Variants in ROBO1 observed in about 807,000 individuals in gnomAD.
ROBO1 encodes roundabout homolog 1.
Under a neutral mutation model 195.9 loss-of-function variants are expected in ROBO1, and 149 were observed. The ratio of observed to expected loss-of-function variants is 0.76; its 90% CI spans 0.67 to 0.87. ROBO1 has a LOEUF of 0.87. Ranked by LOEUF, ROBO1 falls within the 40% of genes least tolerant of loss-of-function variation. The pLI is 0.00. For missense variants in ROBO1, 1,933 were observed against 2,068.3 expected, an observed-to-expected ratio of 0.93 and a Z score of 1.27; for synonymous variants, 816 against 733.2, an observed-to-expected ratio of 1.11 and a Z score of -1.82.
intron 1 of ROBO1, among the ~76,000 whole-genome samples, chr3:79,671,588 T>C (rs1946633440): frequency 6.6e-6 from 1 of 151,854 alleles, no homozygotes; most frequent in African/African-American, 2.4e-5. Context: ...ATGGTTAACA[T>C]TGAAACAACA....
intron 4 of ROBO1, among the ~76,000 whole-genome samples, chr3:78,918,315 A>C (rs1016058383): frequency 3.3e-5 from 5 of 152,140 alleles, no homozygotes; most frequent in African/African-American, 1.2e-4. Context: ...GAAATATATA[A>C]AAATTTGGAA....
intron 2 of ROBO1, among the ~76,000 whole-genome samples, chr3:79,380,454 A>G (rs1238819957): frequency 6.6e-6 from 1 of 152,124 alleles, no homozygotes; most frequent in Non-Finnish European, 1.5e-5. Context: ...CATTGACTCA[A>G]AATTCTTTGC....
intron 8 of ROBO1, among the ~76,000 whole-genome samples, chr3:78,699,371 G>A: frequency 1.7e-5 from 2 of 121,098 alleles, no homozygotes; most frequent in Non-Finnish European, 1.7e-5. Context: ...TCAACATGGG[G>A]AAACCCCGTC....
intron 4 of ROBO1, among the ~76,000 whole-genome samples, chr3:78,867,751 C>A (rs923816147): frequency 6.6e-6 from 1 of 152,142 alleles, no homozygotes; most frequent in Admixed American, 6.5e-5. Flanking sequence ...GAAATGCCTT[C>A]CAGCTTTTTT....
chr3:79,075,235 T>A (rs79420411), intron 3 of ROBO1, among the ~76,000 whole-genome samples: 69 of 151,940 alleles, frequency 4.5e-4, no homozygotes, highest in African/African-American at 1.6e-3. Context: ...GGTGAAGAGG[T>A]GAACTGAAAA....
At chr3:79,143,700 A>G (rs1203250941) in intron 2 of ROBO1, among the ~76,000 whole-genome samples, 1 of 152,072 alleles carries the variant, frequency 6.6e-6, no homozygotes, top group Non-Finnish European at 1.5e-5. Context: ...TATTTATTAT[A>G]CATTTTACCT....
intron 4 of ROBO1, among the ~76,000 whole-genome samples, chr3:78,768,658 T>TTTA (rs2083289015): frequency 1.3e-5 from 2 of 151,774 alleles, no homozygotes; most frequent in Non-Finnish European, 2.9e-5. Flanking sequence ...CTTTTTTTTT[T>TTTA]TTATTATTAT....
intron 3 of ROBO1, among the ~76,000 whole-genome samples, chr3:79,048,757 G>A (rs531571402): frequency 2.6e-5 from 4 of 152,096 alleles, no homozygotes; most frequent in Non-Finnish European, 5.9e-5. Context: ...GGCAAACAGG[G>A]TCTGGAGGGG....
At chr3:79,386,978 G>A (rs1006430069) in intron 2 of ROBO1, among the ~76,000 whole-genome samples, 7 of 152,130 alleles carry the variant, frequency 4.6e-5, no homozygotes, top group African/African-American at 1.4e-4. Flanking sequence ...GGATATGTCA[G>A]AATGGTGACT....
chr3:79,759,337 T>C (rs1222425765), intron 1 of ROBO1, among the ~76,000 whole-genome samples: 1 of 152,200 alleles, frequency 6.6e-6, no homozygotes, highest in East Asian at 1.9e-4. Context: ...GGGTTACACA[T>C]TGATCAGAAG....
chr3:79,286,512 A>G (rs919362245), intron 2 of ROBO1, among the ~76,000 whole-genome samples: 1 of 152,182 alleles, frequency 6.6e-6, no homozygotes, highest in Non-Finnish European at 1.5e-5. Context: ...CAGTCCAACA[A>G]CAAAGGATGA....
chr3:78,672,245 A>AAAC (rs71631614), intron 10 of ROBO1, among the ~76,000 whole-genome samples: 4 of 151,250 alleles, frequency 2.6e-5, no homozygotes, highest in Admixed American at 2.0e-4. Flanking sequence ...TCTTTGGTAA[A>AAAC]AACAACAACA....
intron 3 of ROBO1, among the ~76,000 whole-genome samples, chr3:79,097,067 A>T (rs2108502080): frequency 6.6e-6 from 1 of 151,936 alleles, no homozygotes; most frequent in Non-Finnish European, 1.5e-5. Context: ...CTTAATTAAC[A>T]AATCTTCCCC....
intron 4 of ROBO1, among the ~76,000 whole-genome samples, chr3:78,768,651 T>C (rs1400502423): frequency 7.5e-6 from 1 of 133,350 alleles, no homozygotes; most frequent in Admixed American, 7.6e-5. Flanking sequence ...GTATGTTCTT[T>C]TTTTTTTTTA....
chr3:79,477,269 G>A (rs1239721434), intron 2 of ROBO1, among the ~76,000 whole-genome samples: 1 of 152,046 alleles, frequency 6.6e-6, no homozygotes, highest in Non-Finnish European at 1.5e-5. Context: ...AATACCTTTT[G>A]AGGATCTGTG....
At chr3:79,042,014 G>A (rs1237920800) in intron 3 of ROBO1, among the ~76,000 whole-genome samples, 2 of 152,164 alleles carry the variant, frequency 1.3e-5, no homozygotes, top group African/African-American at 4.8e-5. Context: ...ACACCCAAGG[G>A]AGGCAACATT....
At chr3:79,358,039 A>G (rs1016851746) in intron 2 of ROBO1, among the ~76,000 whole-genome samples, 7 of 152,252 alleles carry the variant, frequency 4.6e-5, no homozygotes, top group Admixed American at 3.9e-4. Flanking sequence ...GGATTAGAAT[A>G]TCGGTTAAGA....
intron 2 of ROBO1, among the ~76,000 whole-genome samples, chr3:79,584,446 AG>A (rs1171664332): frequency 6.6e-6 from 1 of 151,424 alleles, no homozygotes; most frequent in Non-Finnish European, 1.5e-5. Flanking sequence ...CAAGGAAGAA[AG>A]TGCTTGCTCA....
chr3:78,879,625 C>G (rs2036064696), intron 4 of ROBO1, among the ~76,000 whole-genome samples: 1 of 151,888 alleles, frequency 6.6e-6, no homozygotes, highest in South Asian at 2.1e-4. Context: ...AAGCACATGC[C>G]CCTTTGACCA....
Sources: allele counts gnomAD v4.1 joint callset (sites outside exome capture counted in the v4.1 genomes callset), GRCh38; gene constraint gnomAD v4.1.1; transcripts MANE v1.5; gene names NCBI Gene and HGNC (gene_info 2026-07-23, HGNC 2026-07-21).